Variants in ASAP3 observed in about 807,000 individuals in gnomAD.
The protein encoded by ASAP3 is ArfGAP with SH3 domain, ankyrin repeat and PH domain 3.
ASAP3 carries 85 observed loss-of-function variants against 118.2 expected under a neutral mutation model. The ratio of observed to expected loss-of-function variants is 0.72; its 90% CI spans 0.60 to 0.86. The LOEUF is 0.86. ASAP3 is among the 40% of genes least tolerant of loss of function. ASAP3 has a pLI of 0.00. For missense variants in ASAP3, 1,026 were observed against 1,175.0 expected, an observed-to-expected ratio of 0.87 and a Z score of 1.85; for synonymous variants, 432 against 477.4, an observed-to-expected ratio of 0.90 and a Z score of 1.24.
intron 10 of ASAP3, 73 bp from the exon 11 acceptor site, chr1:23,439,303 T>C (rs1277569469): frequency 7.0e-7 from 1 of 1,437,086 alleles, no homozygotes; most frequent in Non-Finnish European, 9.7e-7. Context: ...AGAACAGAAA[T>C]TTGCCCCCAC....
intron 1 of ASAP3, 60 bp from the exon 2 acceptor site, chr1:23,456,254 AG>A: frequency 6.6e-7 from 1 of 1,511,670 alleles, no homozygotes; most frequent in Non-Finnish European, 9.1e-7. Flanking sequence ...TGCTTCCTTC[AG>A]GAACGCTGTA....
intron 3 of ASAP3, among the ~76,000 whole-genome samples, chr1:23,455,561 C>T (rs1178289623): frequency 6.6e-6 from 1 of 152,128 alleles, no homozygotes; most frequent in Non-Finnish European, 1.5e-5. Context: ...TAGGAACCCC[C>T]GAGCCTGTCT....
rs1298232633 is a variant in ASAP3 at position 23,484,015 on chromosome 1, G to A, written c.119C>T (p.Ala40Val). ...KMPRYRGAAL[A>V]REEILEGDQA... ...CCTCGGCCCCCTCACCTCCTCCCGC[G>A]CCAGCGCCGCCCCTCGGTACCGGGG... is the stretch of plus-strand genomic sequence containing the variant. The change falls in exon 1 of 25, where the codon GCG (alanine) becomes GTG (valine). Residue 40 changes from alanine to valine, a missense_variant. Transcript: ENST00000336689. The A allele has an allele frequency of 1.5e-6, 2 of 1,296,226 alleles. No individual in the cohort carries two copies. Among genetic ancestry groups the A allele is most frequent in the Non-Finnish European group, 2.0e-6 (2 of 1,023,592 alleles). 80.3% of individuals were successfully genotyped at this position (1,296,226 alleles called of 1,614,324 possible).
intron 1 of ASAP3, among the ~76,000 whole-genome samples, chr1:23,458,096 A>T (rs1406216012): frequency 1.3e-5 from 2 of 152,218 alleles, no homozygotes; most frequent in Non-Finnish European, 2.9e-5. Flanking sequence ...AGACACTTTC[A>T]TATTTGAGAT....
Position 23,441,115 on chromosome 1 carries a change from T to G in ASAP3, c.931A>C (p.Lys311Gln). 6.2e-7 allele frequency: 1 copy of G among 1,614,158 alleles called. No individual in the cohort carries two copies. The highest frequency in any genetic ancestry group is 2.2e-5 in the East Asian group (1 of 44,870). ...FGTEKVGFLY[K>Q]KSDGIRRVWQ... ...TGAATCACTTACCCGTCACTTTTCT[T>G]GTATAGAAAGCCCACTTTCTCCGTC... The change falls in exon 10 of 25, where the codon AAG (lysine) becomes CAG (glutamine). Residue 311 changes from lysine (K) to glutamine (Q), a missense_variant. Physicochemically the swap from Lys to Gln is moderately conservative, Grantham distance 53 (BLOSUM62 1). Transcript: ENST00000336689.
chr1:23,434,870 G>A (rs544996650), intron 17 of ASAP3, among the ~76,000 whole-genome samples: 7 of 151,682 alleles, frequency 4.6e-5, no homozygotes, highest in South Asian at 4.2e-4. Flanking sequence ...CTCAGCTCTC[G>A]GCTCCTCTCC....
At chr1:23,451,620 G>T in intron 4 of ASAP3, 92 bp from the exon 5 acceptor site, 2 of 1,405,456 alleles carry the variant, frequency 1.4e-6, no homozygotes, top group Non-Finnish European at 2.0e-6. Flanking sequence ...ACCTGCTAGT[G>T]TGCTCCCCTG....
At chr1:23,479,697 A>T (rs1570421612) in intron 1 of ASAP3, 1 of 152,136 alleles carries the variant, frequency 6.6e-6, no homozygotes, top group Admixed American at 6.5e-5. Context: ...GCATTATAAG[A>T]CCTGATACCA....
At chr1:23,453,443 C>T (rs573172424) in intron 3 of ASAP3, among the ~76,000 whole-genome samples, 2 of 152,236 alleles carry the variant, frequency 1.3e-5, no homozygotes, top group South Asian at 4.1e-4. Context: ...GGGAGAAAGA[C>T]CATCTTTATT....
intron 1 of ASAP3, among the ~76,000 whole-genome samples, chr1:23,458,381 G>C (rs946987272): frequency 5.3e-5 from 8 of 152,052 alleles, no homozygotes; most frequent in Non-Finnish European, 1.2e-4. Context: ...CCAGCACTTG[G>C]GGAGGCCAAA....
intron 1 of ASAP3, among the ~76,000 whole-genome samples, chr1:23,476,882 CTTTCA>C (rs1435489758): frequency 1.3e-5 from 2 of 150,238 alleles, no homozygotes; most frequent in African/African-American, 4.9e-5. Flanking sequence ...TTTTTTTTTT[CTTTCA>C]TTTATTTGTT....
intron 5 of ASAP3, among the ~76,000 whole-genome samples, chr1:23,449,184 A>G (rs1641136383): frequency 6.6e-6 from 1 of 152,194 alleles, no homozygotes; most frequent in Non-Finnish European, 1.5e-5. Context: ...CTGCCTGTCA[A>G]TCTCTTCCTG....
chr1:23,437,466 C>T lies in ASAP3; in HGVS notation c.1109G>A (p.Arg370Gln), dbSNP rs267598442. The change falls in exon 13 of 25, where the codon CGG (arginine) becomes CAG (glutamine). Residue 370 changes from arginine to glutamine, a missense_variant. By Grantham distance (43) the Arg-to-Gln change is conservative. Coordinates refer to ENST00000336689, the MANE Select transcript of ASAP3 (RefSeq NM_017707.4). This position sits in a 1 kb window ranked among gnomAD's most constrained non-coding sequence, Gnocchi z 6.1. ...GTCCTCTGCCTGAAAGTGGTACGTCCGGTTGTCTGTCGGGAGAGAAGGGGG... is the reference window on the plus strand; with the variant it reads ...GTCCTCTGCCTGAAAGTGGTACGTCTGGTTGTCTGTCGGGAGAGAAGGGGG... ...KKCFDLVTHN[R>Q]TYHFQAEDEH... 1.2e-6 allele frequency: 2 copies of T among 1,614,108 alleles called. No individual in the cohort carries two copies. Among genetic ancestry groups the T allele is most frequent in the Non-Finnish European group, 1.7e-6 (2 of 1,179,988 alleles).
upstream of ASAP3, chr1:23,484,180 G>C: frequency 2.4e-6 from 3 of 1,228,550 alleles, no homozygotes; most frequent in Middle Eastern, 3.2e-4. Flanking sequence ...GGGGGGCACT[G>C]AGCTGCTCCG....
intron 22 of ASAP3, 106 bp downstream of exon 22, chr1:23,432,971 T>C: frequency 1.5e-6 from 2 of 1,303,612 alleles, no homozygotes; most frequent in South Asian, 1.4e-5. Context: ...TGGGAGGTCA[T>C]CATAAGGATA....
chr1:23,473,820 G>T (rs1642033267), intron 1 of ASAP3, among the ~76,000 whole-genome samples: 1 of 151,992 alleles, frequency 6.6e-6, no homozygotes, highest in Non-Finnish European at 1.5e-5. Flanking sequence ...GTTCAGTGGA[G>T]TTGGGTCCCC....
chr1:23,459,218 T>C (rs1357435657), intron 1 of ASAP3, among the ~76,000 whole-genome samples: 2 of 150,886 alleles, frequency 1.3e-5, no homozygotes, highest in Non-Finnish European at 3.0e-5. Context: ...CAAAAAAATT[T>C]CCAAAATCCC....
intron 1 of ASAP3, among the ~76,000 whole-genome samples, chr1:23,460,986 C>A (rs564198482): frequency 6.6e-6 from 1 of 152,254 alleles, no homozygotes; most frequent in African/African-American, 2.4e-5. Context: ...ATGATTTCAA[C>A]TATACGATAT....
At position 23,454,659 on chromosome 1, in the gene ASAP3, G is replaced by A. The variant is rs144228746; in HGVS notation, c.348+1222C>T. Among the ~76,000 whole-genome samples the A allele has an allele frequency of 2.8e-4, 42 of 152,340 alleles. 2 individuals are homozygous for A. In the East Asian group the frequency reaches 7.9e-3, roughly 29 times the overall value. On this transcript the variant is annotated intron_variant, in intron 3 of 24. Coordinates refer to ENST00000336689, the MANE Select transcript of ASAP3 (RefSeq NM_017707.4). Reference sequence around the variant, plus strand: ...GCTTTTTACATGCAGGACAGTGTACGAGGCACAGCTATGCCAAGAGCTATA... The same window carrying A: ...GCTTTTTACATGCAGGACAGTGTACAAGGCACAGCTATGCCAAGAGCTATA...
Sources: allele counts gnomAD v4.1 joint callset (sites outside exome capture counted in the v4.1 genomes callset), GRCh38; gene constraint gnomAD v4.1.1; non-coding constraint Gnocchi (gnomAD v3.1); transcripts MANE v1.5; gene names NCBI Gene and HGNC (gene_info 2026-07-23, HGNC 2026-07-21).